TMEM132B: variants seen among roughly 807,000 people sequenced by gnomAD.
TMEM132B encodes transmembrane protein 132B.
TMEM132B carries 18 observed loss-of-function variants against 90.8 expected under a neutral mutation model. The observed-to-expected ratio is 0.20, with a 90% CI of 0.14 to 0.29. The LOEUF (loss-of-function observed/expected upper bound fraction) is 0.29. Among genes scored for constraint, TMEM132B ranks in the 10% least tolerant of loss-of-function variants. TMEM132B has a pLI of 1.00. For synonymous variants in TMEM132B, 504 were observed against 523.3 expected (o/e 0.96, Z 0.50); for missense variants, 1,096 against 1,326.8 (o/e 0.83, Z 2.70).
intron 2 of TMEM132B, among the ~76,000 whole-genome samples, chr12:125,382,694 A>G (rs551410846): frequency 6.6e-6 from 1 of 152,358 alleles, no homozygotes; most frequent in South Asian, 2.1e-4. Context: ...TTGCTGTAAT[A>G]ATTTGATGCC....
chr12:125,519,126 G>A (rs775561340), intron 3 of TMEM132B, among the ~76,000 whole-genome samples: 5 of 152,186 alleles, frequency 3.3e-5, no homozygotes, highest in East Asian at 1.9e-4. Flanking sequence ...TGGCATGCCC[G>A]TGCCTGGGCT....
chr12:125,243,119 A>G (rs954408508), intron 1 of TMEM132B, among the ~76,000 whole-genome samples: 18 of 144,096 alleles, frequency 1.2e-4, no homozygotes, highest in African/African-American at 4.1e-4. Context: ...ACATATATAT[A>G]TATACACACA....
At chr12:125,449,089 C>T (rs1254597219) in intron 3 of TMEM132B, among the ~76,000 whole-genome samples, 1 of 151,530 alleles carries the variant, frequency 6.6e-6, no homozygotes, top group African/African-American at 2.4e-5. Flanking sequence ...GCCTCAGCCT[C>T]CTGAGTAGCT....
intron 1 of TMEM132B, among the ~76,000 whole-genome samples, chr12:125,343,437 C>T (rs568501382): frequency 1.3e-5 from 2 of 152,280 alleles, no homozygotes; most frequent in African/African-American, 4.8e-5. Context: ...GTCCATGAAC[C>T]TGGCCTTGTG....
intron 1 of TMEM132B, among the ~76,000 whole-genome samples, chr12:125,297,571 G>A (rs543333698): frequency 3.9e-5 from 6 of 152,326 alleles, no homozygotes; most frequent in Admixed American, 3.3e-4. Context: ...CAGGCATTAC[G>A]CTCAATACTG....
At chr12:125,429,884 C>G (rs1400529007) in intron 3 of TMEM132B, among the ~76,000 whole-genome samples, 1 of 152,188 alleles carries the variant, frequency 6.6e-6, no homozygotes, top group South Asian at 2.1e-4. Flanking sequence ...CCTTTCCACA[C>G]TGTACTCTTT....
intron 5 of TMEM132B, among the ~76,000 whole-genome samples, chr12:125,608,803 C>G (rs922991969): frequency 9.2e-5 from 14 of 152,072 alleles, no homozygotes; most frequent in Non-Finnish European, 2.1e-4. Flanking sequence ...TGTCCCATCA[C>G]CACTTGTTGA....
chr12:125,209,771 G>T lies in TMEM132B; in HGVS notation c.67+22905G>T, dbSNP rs1873277316. Reference sequence around the variant, plus strand: ...TGCAAGGGTTACTAATTTTATTAAAGAACACAATGACACCAGTTGTACCGG... The same window carrying T: ...TGCAAGGGTTACTAATTTTATTAAATAACACAATGACACCAGTTGTACCGG... On this transcript the variant is annotated intron_variant, in intron 1 of 8. Transcript: ENST00000682704. The surrounding 1 kb of genome is among the most constrained non-coding windows in gnomAD (Gnocchi z 4.4). Among the ~76,000 whole-genome samples, 1 of 152,180 alleles carries T rather than the reference G, an allele frequency of 6.6e-6. No homozygotes were observed. Among genetic ancestry groups the T allele is most frequent in the African/African-American group, 2.4e-5 (1 of 41,446 alleles).
intron 4 of TMEM132B, among the ~76,000 whole-genome samples, chr12:125,522,754 A>G (rs763350203): frequency 2.6e-5 from 4 of 152,246 alleles, no homozygotes; most frequent in Non-Finnish European, 5.9e-5. Context: ...AGGTCTGTGC[A>G]TGGCAGGAGC....
chr12:125,267,302 G>C (rs1874718931), intron 1 of TMEM132B, among the ~76,000 whole-genome samples: 2 of 152,112 alleles, frequency 1.3e-5, no homozygotes, highest in South Asian at 4.2e-4. Context: ...GCTGGGTGGG[G>C]AAAGGAGTGA....
At chr12:125,499,508 G>T (rs1882641516) in intron 3 of TMEM132B, among the ~76,000 whole-genome samples, 1 of 152,210 alleles carries the variant, frequency 6.6e-6, no homozygotes. Flanking sequence ...AGTCAGGGAG[G>T]TTTCACATCA....
At chr12:125,583,798 C>T (rs1267156271) in intron 4 of TMEM132B, 53 bp from the exon 5 acceptor site, 20 of 1,597,740 alleles carry the variant, frequency 1.3e-5, no homozygotes, top group South Asian at 2.2e-5. Context: ...CTCTCCTGCT[C>T]GCCCCTGTGG....
intron 1 of TMEM132B, among the ~76,000 whole-genome samples, chr12:125,204,439 C>T (rs151123996): frequency 0.016 from 2,025 of 126,284 alleles, 80 homozygotes; most frequent in African/African-American, 0.05. Context: ...AATGAGGGCT[C>T]CGTGTACCAG....
At chr12:125,302,697 A>G (rs971969873) in intron 1 of TMEM132B, among the ~76,000 whole-genome samples, 1 of 152,224 alleles carries the variant, frequency 6.6e-6, no homozygotes, top group Non-Finnish European at 1.5e-5. Flanking sequence ...TTGCCACTTT[A>G]ACCATTTTTA....
rs1174865903 is a variant in TMEM132B at position 125,404,961 on chromosome 12, C to T, written c.960-10570C>T. Among the ~76,000 whole-genome samples the T allele has an allele frequency of 3.3e-5, 5 of 152,162 alleles. No individual in the cohort carries two copies. In the East Asian group the frequency reaches 5.8e-4, roughly 18 times the overall value. ...TCCCTTCTTTGATTCACAGATACAG[C>T]GTAACATAATAATAATAAACACACC... On this transcript the variant is annotated intron_variant, in intron 2 of 8. Coordinates refer to ENST00000682704, the MANE Select transcript of TMEM132B (RefSeq NM_001366854.1).
intron 3 of TMEM132B, among the ~76,000 whole-genome samples, chr12:125,435,373 T>C (rs7309245): frequency 0.2 from 30,967 of 151,772 alleles, 3,902 homozygotes; most frequent in African/African-American, 0.36. Context: ...GAGACTGGGG[T>C]GCGGAAGGGG....
At chr12:125,201,190 T>C (rs1481830742) in intron 1 of TMEM132B, among the ~76,000 whole-genome samples, 1 of 152,252 alleles carries the variant, frequency 6.6e-6, no homozygotes, top group African/African-American at 2.4e-5. Context: ...GGGAAAAGTA[T>C]TGGGGGAGGA....
intron 3 of TMEM132B, among the ~76,000 whole-genome samples, chr12:125,449,192 C>T (rs1881085841): frequency 6.6e-6 from 1 of 152,082 alleles, no homozygotes; most frequent in Non-Finnish European, 1.5e-5. Context: ...TGGTCTTGAT[C>T]CCCTGACCTG....
At chr12:125,555,003 A>T (rs1299153483) in intron 4 of TMEM132B, among the ~76,000 whole-genome samples, 1 of 152,220 alleles carries the variant, frequency 6.6e-6, no homozygotes, top group African/African-American at 2.4e-5. Flanking sequence ...GAATTGAATA[A>T]TGGACGCACG....
Sources: allele counts gnomAD v4.1 joint callset (sites outside exome capture counted in the v4.1 genomes callset), GRCh38; gene constraint gnomAD v4.1.1; non-coding constraint Gnocchi (gnomAD v3.1); transcripts MANE v1.5; gene names NCBI Gene and HGNC (gene_info 2026-07-23, HGNC 2026-07-21).